The following SMG6 variants were observed in gnomAD, a reference collection of about 807,000 sequenced individuals.
The protein encoded by SMG6 is SMG6 nonsense mediated mRNA decay factor, also known as telomerase-binding protein EST1A.
SMG6 carries 66 observed loss-of-function variants against 142.2 expected under a neutral mutation model. That is an observed-to-expected ratio of 0.46 (90% CI 0.38 to 0.57). SMG6 has a LOEUF of 0.57. Among genes scored for constraint, SMG6 ranks in the 20% least tolerant of loss-of-function variants. The pLI, the probability that SMG6 is intolerant of heterozygous loss-of-function variation, is 0.00. For synonymous variants in SMG6, 779 were observed against 702.4 expected (o/e 1.11, Z -1.72); for missense variants, 1,793 against 1,832.0 (o/e 0.98, Z 0.39).
intron 8 of SMG6, among the ~76,000 whole-genome samples, chr17:2,257,425 C>T (rs1421085087): frequency 1.3e-5 from 2 of 152,046 alleles, no homozygotes; most frequent in Admixed American, 1.3e-4. Flanking sequence ...ATTATAGACA[C>T]GAGCCACCAC....
intron 8 of SMG6, among the ~76,000 whole-genome samples, chr17:2,252,658 G>A (rs995704317): frequency 2.6e-5 from 4 of 152,154 alleles, no homozygotes; most frequent in African/African-American, 7.2e-5. Flanking sequence ...CCACAACCCT[G>A]AGTGTATGTC....
chr17:2,249,180 A>C (rs981526805), intron 8 of SMG6, among the ~76,000 whole-genome samples: 1 of 152,076 alleles, frequency 6.6e-6, no homozygotes, highest in African/African-American at 2.4e-5. Flanking sequence ...GGCGTGAGCC[A>C]CCGCGAGAAC....
chr17:2,147,951 G>C lies in SMG6; in HGVS notation c.3357+24707C>G, dbSNP rs148746367. On this transcript the variant is annotated intron_variant, in intron 13 of 18. Transcript: ENST00000263073. ...CTCACGCCTTAAATCCCAGTGCTTT[G>C]GGCCGAGGTGGGTGGATCGCTTGAG... is the stretch of plus-strand genomic sequence containing the variant. Among the ~76,000 whole-genome samples the C allele has an allele frequency of 6.1e-4, 93 of 152,018 alleles. 1 individual carries two copies. Among genetic ancestry groups the C allele is most frequent in the African/African-American group, 2.1e-3 (86 of 41,448 alleles).
chr17:2,229,486 T>A (rs2073410396), intron 10 of SMG6: 1 of 152,360 alleles, frequency 6.6e-6, no homozygotes, highest in East Asian at 1.9e-4. Context: ...TTGACACCTG[T>A]GTATAATTTA....
At chr17:2,173,597 G>GA (rs2071571204) in intron 12 of SMG6, among the ~76,000 whole-genome samples, 1 of 152,152 alleles carries the variant, frequency 6.6e-6, no homozygotes, top group African/African-American at 2.4e-5. Flanking sequence ...TTTTAGCACT[G>GA]AAAGTCCCAC....
chr17:2,116,730 A>G (rs1320339858), intron 13 of SMG6, among the ~76,000 whole-genome samples: 1 of 152,158 alleles, frequency 6.6e-6, no homozygotes, highest in African/African-American at 2.4e-5. Context: ...CCTGGGCGGC[A>G]GAGCGAGACT....
intron 12 of SMG6, among the ~76,000 whole-genome samples, chr17:2,173,834 G>A (rs1305553783): frequency 4.0e-5 from 6 of 148,494 alleles, no homozygotes; most frequent in African/African-American, 1.5e-4. Flanking sequence ...GGGTGCTGAG[G>A]ATCCATAAAG....
At chr17:2,157,059 T>C (rs8068642) in intron 13 of SMG6, among the ~76,000 whole-genome samples, 54,392 of 152,000 alleles carry the variant, frequency 0.36, 10,446 homozygotes, top group African/African-American at 0.5. Flanking sequence ...AGACCCTCCC[T>C]CCTCCTAAGG....
rs2075260004 is a variant in SMG6 at position 2,300,623 on chromosome 17, T to C, written c.130A>G (p.Asn44Asp). 6.2e-7 allele frequency: 1 copy of C among 1,607,866 alleles called. No individual in the cohort carries two copies. Residue 44 changes from asparagine (N) to aspartate (D), a missense_variant, in exon 2 of 19, where the codon AAC becomes GAC. Physicochemically the swap from Asn to Asp is conservative, Grantham distance 23. Coordinates refer to ENST00000263073, the MANE Select transcript of SMG6 (RefSeq NM_017575.5). ...ELKEARPRKD[N>D]RRPDLEIYKP... ...TAGATTTCCAGATCTGGACGCCTGT[T>C]ATCTTTGCGCGGCCTGGCCTCCTTT...
At chr17:2,116,116 G>A (rs2069497738) in intron 13 of SMG6, among the ~76,000 whole-genome samples, 1 of 152,110 alleles carries the variant, frequency 6.6e-6, no homozygotes, top group African/African-American at 2.4e-5. Context: ...TGTTGCCCAG[G>A]CTAGAGTGCA....
chr17:2,286,436 G>A (rs2074907005), intron 6 of SMG6, among the ~76,000 whole-genome samples: 1 of 151,980 alleles, frequency 6.6e-6, no homozygotes, highest in African/African-American at 2.4e-5. Context: ...GAAGAAAACT[G>A]AGAGCTCAGA....
chr17:2,273,131 T>G (rs550690664), intron 8 of SMG6, among the ~76,000 whole-genome samples: 25 of 152,252 alleles, frequency 1.6e-4, no homozygotes, highest in South Asian at 2.1e-4. Flanking sequence ...CAGCTATGAG[T>G]TATAGTGCTG....
intron 12 of SMG6, 68 bp downstream of exon 12, chr17:2,186,595 G>C: frequency 6.4e-7 from 1 of 1,558,442 alleles, no homozygotes; most frequent in Non-Finnish European, 8.8e-7. Context: ...GCAGGATGAA[G>C]AGGGGAGCTG....
At chr17:2,199,339 G>C (rs1330016563) in intron 10 of SMG6, among the ~76,000 whole-genome samples, 1 of 151,986 alleles carries the variant, frequency 6.6e-6, no homozygotes, top group Non-Finnish European at 1.5e-5. Flanking sequence ...GGATATTAAG[G>C]TATTTATTTT....
intron 13 of SMG6, among the ~76,000 whole-genome samples, chr17:2,098,058 G>C (rs2068904357): frequency 6.6e-6 from 1 of 152,092 alleles, no homozygotes; most frequent in Non-Finnish European, 1.5e-5. Context: ...ACGAGATCAT[G>C]GTTCACTGCA....
intron 13 of SMG6, chr17:2,088,428 C>G: frequency 1.0e-6 from 1 of 985,362 alleles, no homozygotes. Context: ...AGCCCTCTCC[C>G]AGTTTTCATT....
intron 10 of SMG6, among the ~76,000 whole-genome samples, chr17:2,228,522 C>A (rs1369249989): frequency 6.6e-6 from 1 of 151,712 alleles, no homozygotes; most frequent in Admixed American, 6.6e-5. Context: ...CCATCGCGCC[C>A]GGCCTAATTT....
At chr17:2,175,097 C>T (rs2071617723) in intron 12 of SMG6, among the ~76,000 whole-genome samples, 1 of 152,216 alleles carries the variant, frequency 6.6e-6, no homozygotes, top group Non-Finnish European at 1.5e-5. Context: ...TCTTCCAGTT[C>T]CCCGCTTCCT....
At chr17:2,233,584 A>G (rs911348034) in intron 10 of SMG6, 1 of 152,092 alleles carries the variant, frequency 6.6e-6, no homozygotes, top group African/African-American at 2.4e-5. Flanking sequence ...TCACTTCCTT[A>G]CTCATAAAAA....
Sources: gnomAD v4.1 joint callset for allele counts (sites outside exome capture counted in the v4.1 genomes callset) on GRCh38, gnomAD v4.1.1 for gene constraint, MANE v1.5 for transcripts, NCBI Gene and HGNC (gene_info 2026-07-23, HGNC 2026-07-21) for gene names.